Variants in DYNC1I1 observed in about 807,000 individuals in gnomAD.
DYNC1I1 encodes dynein cytoplasmic 1 intermediate chain 1, also known as cytoplasmic dynein 1 intermediate chain 1.
A neutral mutation model predicts 86.6 loss-of-function variants in DYNC1I1; 43 were observed. That is an observed-to-expected ratio of 0.50 (90% CI 0.39 to 0.64). The LOEUF is 0.64. DYNC1I1 is among the 30% of genes least tolerant of loss of function. DYNC1I1 has a pLI of 0.00. For missense variants in DYNC1I1, 604 were observed against 788.8 expected, an observed-to-expected ratio of 0.77 and a Z score of 2.81; for synonymous variants, 262 against 283.7, an observed-to-expected ratio of 0.92 and a Z score of 0.77.
chr7:95,986,800 A>G (rs1793607399), intron 8 of DYNC1I1, among the ~76,000 whole-genome samples: 1 of 151,822 alleles, frequency 6.6e-6, no homozygotes, highest in Non-Finnish European at 1.5e-5. Context: ...ACTGGTCAAG[A>G]TGGGAACTTG....
intron 6 of DYNC1I1, among the ~76,000 whole-genome samples, chr7:95,956,742 A>G (rs1457877545): frequency 6.6e-6 from 1 of 152,162 alleles, no homozygotes; most frequent in African/African-American, 2.4e-5. Context: ...ATAGTATTCA[A>G]TGGTGTATAT....
intron 16 of DYNC1I1, among the ~76,000 whole-genome samples, chr7:96,081,318 C>G (rs908554673): frequency 2.7e-5 from 4 of 149,372 alleles, no homozygotes; most frequent in African/African-American, 9.9e-5. Context: ...AATGTCATGG[C>G]ATGTAAAAAA....
intron 12 of DYNC1I1, among the ~76,000 whole-genome samples, chr7:96,033,448 A>T (rs1794858952): frequency 2.0e-5 from 3 of 152,194 alleles, no homozygotes; most frequent in Non-Finnish European, 4.4e-5. Context: ...AGACAAACAC[A>T]CAAGACATGC....
At chr7:95,868,706 G>A (rs1284085616) in intron 5 of DYNC1I1, among the ~76,000 whole-genome samples, 1 of 152,062 alleles carries the variant, frequency 6.6e-6, no homozygotes, top group Admixed American at 6.6e-5. Context: ...TGTAAATTAT[G>A]TACATATGAC....
intron 16 of DYNC1I1, among the ~76,000 whole-genome samples, chr7:96,091,197 G>A (rs562736647): frequency 7.2e-5 from 11 of 152,212 alleles, no homozygotes; most frequent in Admixed American, 3.9e-4. Flanking sequence ...GTTAGCAGTC[G>A]TTCTGTGGAA....
At chr7:95,808,506 C>T (rs1794754102) in intron 2 of DYNC1I1, among the ~76,000 whole-genome samples, 1 of 152,060 alleles carries the variant, frequency 6.6e-6, no homozygotes, top group African/African-American at 2.4e-5. Flanking sequence ...TAGTGGCCAC[C>T]ATTTAAGACA....
chr7:95,815,720 A>G (rs545318280), intron 4 of DYNC1I1, among the ~76,000 whole-genome samples: 10 of 152,288 alleles, frequency 6.6e-5, no homozygotes, highest in African/African-American at 2.4e-4. Flanking sequence ...ATATAACTCT[A>G]TGCTCATAAA....
At chr7:96,089,184 TA>T (rs11456119) in intron 16 of DYNC1I1, among the ~76,000 whole-genome samples, 9 of 149,170 alleles carry the variant, frequency 6.0e-5, no homozygotes, top group Admixed American at 6.7e-5. Flanking sequence ...CCTTGTGACT[TA>T]AAAAAAAAAA....
intron 2 of DYNC1I1, among the ~76,000 whole-genome samples, chr7:95,807,736 C>G (rs778494503): frequency 1.1e-4 from 16 of 152,140 alleles, no homozygotes; most frequent in Non-Finnish European, 1.9e-4. Flanking sequence ...TCTCAAATGT[C>G]ACTTTCCCAG....
intron 6 of DYNC1I1, among the ~76,000 whole-genome samples, chr7:95,934,714 G>C (rs181212127): frequency 6.6e-6 from 1 of 151,934 alleles, no homozygotes; most frequent in Non-Finnish European, 1.5e-5. Context: ...GATTTTACTT[G>C]TTTTAAAATC....
downstream of DYNC1I1, among the ~76,000 whole-genome samples, chr7:96,100,134 CA>C (rs1288562666): frequency 1.3e-5 from 2 of 152,188 alleles, no homozygotes; most frequent in African/African-American, 4.8e-5. Flanking sequence ...TGACCAAGGT[CA>C]TGCTTCCTGC....
chr7:95,785,512 T>C (rs1794106884), intron 1 of DYNC1I1, among the ~76,000 whole-genome samples: 1 of 151,944 alleles, frequency 6.6e-6, no homozygotes, highest in African/African-American at 2.4e-5. Flanking sequence ...TTTCACCAAA[T>C]CCTTTATTCA....
rs572346625 is a variant in DYNC1I1 at position 95,918,166 on chromosome 7, C to CA, written c.490+48174dup. On this transcript the variant is annotated intron_variant, in intron 6 of 16. Coordinates refer to ENST00000447467, the MANE Select transcript of DYNC1I1 (RefSeq NM_001135556.2). ...CCTGTCTTCAAATTGGTGGAGGGAGCAAAAAACCTTACTCTTCTGTTGCAC... is the reference window on the plus strand; with the variant it reads ...CCTGTCTTCAAATTGGTGGAGGGAGCAAAAAAACCTTACTCTTCTGTTGCAC... Among the ~76,000 whole-genome samples, 109 of 152,110 alleles carry CA rather than the reference C, an allele frequency of 7.2e-4. 1 individual carries two copies. In the South Asian group the frequency reaches 9.1e-3, roughly 13 times the overall value.
intron 1 of DYNC1I1, among the ~76,000 whole-genome samples, chr7:95,782,525 C>A (rs1008394266): frequency 6.6e-6 from 1 of 152,200 alleles, no homozygotes; most frequent in Non-Finnish European, 1.5e-5. Context: ...TGCAGACAGG[C>A]AGGTGCAGGA....
At position 96,065,902 on chromosome 7, in the gene DYNC1I1, G is replaced by A. The variant is rs528825077; in HGVS notation, c.1510-10155G>A. ...ATTTTCTACTCATTTAATGGTATTC[G>A]TCATTCAGTTGACTGCACTAGAAAA... On this transcript the variant is annotated intron_variant, in intron 14 of 16. Transcript: ENST00000447467. Among the ~76,000 whole-genome samples, 19 of 152,188 alleles carry A rather than the reference G, an allele frequency of 1.2e-4. No individual in the cohort carries two copies. The South Asian group carries it at 3.5e-3, about 28-fold the overall frequency.
chr7:96,037,927 A>G (rs1215985567), intron 13 of DYNC1I1, among the ~76,000 whole-genome samples: 1 of 152,126 alleles, frequency 6.6e-6, no homozygotes, highest in Non-Finnish European at 1.5e-5. Context: ...GGGGATTGCT[A>G]TTTTTCACCT....
intron 10 of DYNC1I1, among the ~76,000 whole-genome samples, chr7:96,026,430 T>G (rs536618550): frequency 1.3e-4 from 20 of 151,510 alleles, no homozygotes; most frequent in Non-Finnish European, 2.5e-4. Context: ...AGGTTTTTTT[T>G]TGGGGTTTTT....
chr7:96,001,845 A>G (rs897106952), intron 10 of DYNC1I1, among the ~76,000 whole-genome samples: 1 of 151,900 alleles, frequency 6.6e-6, no homozygotes, highest in Non-Finnish European at 1.5e-5. Flanking sequence ...TCAACATATG[A>G]ATTTGGTCGT....
At chr7:95,836,728 T>C (rs978471223) in intron 5 of DYNC1I1, among the ~76,000 whole-genome samples, 3 of 152,278 alleles carry the variant, frequency 2.0e-5, no homozygotes, top group Non-Finnish European at 2.9e-5. Context: ...TCATCTTCCA[T>C]TGCTGATACC....
Sources: gnomAD v4.1 joint callset for allele counts (sites outside exome capture counted in the v4.1 genomes callset) on GRCh38, gnomAD v4.1.1 for gene constraint, MANE v1.5 for transcripts, NCBI Gene and HGNC (gene_info 2026-07-23, HGNC 2026-07-21) for gene names.